The following TRIM6 variants were observed in gnomAD, a reference collection of about 807,000 sequenced individuals.
TRIM6 encodes tripartite motif containing 6, also known as tripartite motif-containing protein 6.
Under a neutral mutation model 51.2 loss-of-function variants are expected in TRIM6, and 43 were observed. That is an observed-to-expected ratio of 0.84 (90% CI 0.66 to 1.08). TRIM6 has a LOEUF of 1.08. TRIM6 is among the 50% of genes least tolerant of loss of function. The pLI is 0.00. For missense variants in TRIM6, 669 were observed against 619.0 expected (o/e 1.08, Z -0.86); for synonymous variants, 215 against 232.4 (o/e 0.93, Z 0.68).
upstream of TRIM6, chr11:5,596,294 G>C (rs1847439380): frequency 6.5e-6 from 1 of 154,564 alleles, no homozygotes; most frequent in Admixed American, 6.5e-5. Flanking sequence ...AGAAGAATGA[G>C]GGAGACTTCT....
chr11:5,605,208 C>T (rs1054113163), intron 3 of TRIM6, 129 bp from the exon 4 acceptor site: 30 of 1,235,032 alleles, frequency 2.4e-5, no homozygotes, highest in South Asian at 3.7e-5. Flanking sequence ...TCTCCTGCAG[C>T]ATTTACCCTC....
rs1848077259 is a variant in TRIM6, at chr11:5,604,413, C to T, written c.508-121C>T. 4.5e-6 allele frequency: 5 copies of T among 1,100,832 alleles called. 1 individual carries two copies. In the East Asian group the frequency reaches 1.3e-4, roughly 29 times the overall value. The allele number at this position is 1,100,832 out of a possible 1,614,324, so 68.2% of individuals were successfully genotyped here. A position where few individuals can be genotyped will look rare whatever the true frequency, so the allele number is the denominator to read the frequency against. Reference sequence around the variant, plus strand: ...AGATTTGTTGGCCCTCTCAAGTTTTCATCCTAGGTTAGGACAGGCTTCTTT... The same window carrying T: ...AGATTTGTTGGCCCTCTCAAGTTTTTATCCTAGGTTAGGACAGGCTTCTTT... On this transcript the variant is annotated intron_variant, in intron 2 of 7. Coordinates refer to ENST00000380097, the MANE Select transcript of TRIM6 (RefSeq NM_001003818.3).
rs146413218 is a variant in TRIM6, at chr11:5,602,387, G to A, written c.18-859G>A. On this transcript the variant is annotated intron_variant, in intron 1 of 7. Coordinates refer to ENST00000380097, the MANE Select transcript of TRIM6 (RefSeq NM_001003818.3). ...GAACCCAGGAGGCGGAGCTTGCAGT[G>A]AGTCGAGATCACGCCACTGCACTCC... is the stretch of plus-strand genomic sequence containing the variant. 5.8e-3 allele frequency among the ~76,000 whole-genome samples: 885 copies of A among 151,974 alleles called. 11 individuals carry two copies. Among genetic ancestry groups the A allele is most frequent in the African/African-American group, 0.02 (844 of 41,510 alleles).
At chr11:5,596,543 T>TCCCCCCTTCCCCCTTCCCCTC (rs1554908489), upstream of TRIM6, 1 of 24,650 alleles carries the variant, frequency 4.1e-5, no homozygotes, top group African/African-American at 1.7e-4. Context: ...CCTTCCCCCT[T>TCCCCCCTTCCCCCTTCCCCTC]CCCCCTTCCC....
chr11:5,604,570 GA>G lies in TRIM6; in HGVS notation c.545del (p.Glu182GlyfsTer8). 1.9e-6 allele frequency: 3 copies of G among 1,613,218 alleles called. No individual in the cohort carries two copies. Among genetic ancestry groups the G allele is most frequent in the Non-Finnish European group, 2.5e-6 (3 of 1,179,682 alleles). ...GGAGTCTCTAAAGAAGCTGAAGAAC[GA>G]GGAGCAGGAAGCTGAGAAGCTAACA... is the stretch of plus-strand genomic sequence containing the variant. Reference protein sequence around the residue: ...FQESLKKLKNEEQEAEKLTAF... With the variant: ...FQESLKKLKNXEQEAEKLTAF... On this transcript the variant is annotated frameshift_variant, in exon 3 of 8. Coordinates refer to ENST00000380097, the MANE Select transcript of TRIM6 (RefSeq NM_001003818.3). LOFTEE classifies it high-confidence loss of function.
chr11:5,603,449 C>T lies in TRIM6; in HGVS notation c.221C>T (p.Ser74Leu). ...TGCATCACACCAAATGGCAGGGAAT[C>T]AGTGATTGGTCAAGAAGGGGAAAGA... ...QACITPNGRE[S>L]VIGQEGERSC... The change falls in exon 2 of 8, where the codon TCA becomes TTA. Residue 74 changes from serine to leucine, a missense_variant. By Grantham distance (145) the Ser-to-Leu change is moderately radical. Transcript: ENST00000380097. 6.2e-7 allele frequency: 1 copy of T among 1,614,024 alleles called. No individual in the cohort carries two copies.
chr11:5,602,968 AG>A (rs1486860486), intron 1 of TRIM6, among the ~76,000 whole-genome samples: 1 of 152,192 alleles, frequency 6.6e-6, no homozygotes, highest in Non-Finnish European at 1.5e-5. Context: ...AAGAAAAAAA[AG>A]AAAAGATCAC....
rs780354154 is a variant in TRIM6, at chr11:5,603,334, G to T, written c.106G>T (p.Asp36Tyr). 1 of 1,613,980 alleles carries T rather than the reference G, an allele frequency of 6.2e-7. No individual in the cohort carries two copies. Among genetic ancestry groups the T allele is most frequent in the African/African-American group, 1.3e-5 (1 of 74,920 alleles). ...TACAATGACTTCACCAGTACTGGTG[G>T]ACATACGAGAAGAGGTGACCTGCCC... ...VATMTSPVLVDIREEVTCPIC... is the reference protein window; with the variant it reads ...VATMTSPVLVYIREEVTCPIC... The change falls in exon 2 of 8, where the codon GAC becomes TAC. Residue 36 changes from aspartate to tyrosine, a missense_variant. By Grantham distance (160) the Asp-to-Tyr change is radical. Coordinates refer to ENST00000380097, the MANE Select transcript of TRIM6 (RefSeq NM_001003818.3).
chr11:5,599,185 T>C (rs1225108120), intron 1 of TRIM6, among the ~76,000 whole-genome samples: 2 of 152,210 alleles, frequency 1.3e-5, no homozygotes, highest in Non-Finnish European at 2.9e-5. Flanking sequence ...AGTTTGTTCA[T>C]TTACCAGTTA....
intron 5 of TRIM6, among the ~76,000 whole-genome samples, chr11:5,609,897 T>A (rs1339718337): frequency 6.6e-6 from 1 of 152,166 alleles, no homozygotes; most frequent in East Asian, 1.9e-4. Context: ...CACTCCAGCC[T>A]GGGTGACAGA....
Position 5,605,341 on chromosome 11 carries a change from A to C in TRIM6, c.608A>C (p.Gln203Pro). The C allele has an allele frequency of 6.2e-7, 1 of 1,614,102 alleles. No homozygotes were observed. Among genetic ancestry groups the C allele is most frequent in the South Asian group, 1.1e-5 (1 of 91,078 alleles). Reference protein sequence around the residue: ...IREKKTSWKNQMEPERCRIQT... With the variant: ...IREKKTSWKNPMEPERCRIQT... ...TTTTCTTCCCTGTTCCTGAAGAATCAGATGGAGCCTGAGAGATGCAGGATC... is the reference window on the plus strand; with the variant it reads ...TTTTCTTCCCTGTTCCTGAAGAATCCGATGGAGCCTGAGAGATGCAGGATC... The change falls in exon 4 of 8, where the codon CAG (glutamine) becomes CCG (proline). Residue 203 changes from glutamine to proline, a missense_variant. Coordinates refer to ENST00000380097, the MANE Select transcript of TRIM6 (RefSeq NM_001003818.3).
intron 1 of TRIM6, among the ~76,000 whole-genome samples, chr11:5,597,137 T>A (rs545606094): frequency 1.3e-5 from 2 of 152,332 alleles, no homozygotes; most frequent in South Asian, 2.1e-4. Flanking sequence ...CCAGACTGCA[T>A]GTGTTCAAAT....
intron 5 of TRIM6, among the ~76,000 whole-genome samples, chr11:5,609,186 CT>C (rs1848413972): frequency 6.6e-6 from 1 of 152,152 alleles, no homozygotes; most frequent in Non-Finnish European, 1.5e-5. Flanking sequence ...TGTCAAGCTG[CT>C]TGCACACTTG....
Position 5,611,326 on chromosome 11 carries a change from G to A in TRIM6, c.1535G>A (p.Arg512His), listed in dbSNP as rs1238156687. 3.1e-6 allele frequency: 5 copies of A among 1,613,254 alleles called. No homozygotes were observed. Among genetic ancestry groups the A allele is most frequent in the African/African-American group, 1.3e-5 (1 of 74,772 alleles). ...AACTGTGTAATTCCTATGACCCTGC[G>A]TCGTCCAAGCTCTTGAATATTCTTC... ...PCNCVIPMTLRRPSS is the reference protein window; with the variant it reads ...PCNCVIPMTLHRPSS The change falls in exon 8 of 8, where the codon CGT becomes CAT. Residue 512 changes from arginine to histidine, a missense_variant. Arg to His is a conservative substitution (Grantham distance 29). Coordinates refer to ENST00000380097, the MANE Select transcript of TRIM6 (RefSeq NM_001003818.3).
Position 5,610,136 on chromosome 11 carries a change from C to G in TRIM6, c.858-9C>G. On this transcript the variant is annotated splice_polypyrimidine_tract_variant and intron_variant, in intron 5 of 7. Transcript: ENST00000380097. Reference sequence around the variant, plus strand: ...CAGTGTGGGAACTCAGAAGTCCTGTCCTTTCTAGGAGTGAGTTCTGGACCC... The same window carrying G: ...CAGTGTGGGAACTCAGAAGTCCTGTGCTTTCTAGGAGTGAGTTCTGGACCC... 1 of 1,613,742 alleles carries G rather than the reference C, an allele frequency of 6.2e-7. No individual in the cohort carries two copies. Among genetic ancestry groups the G allele is most frequent in the Non-Finnish European group, 8.5e-7 (1 of 1,179,852 alleles).
intron 7 of TRIM6, 25 bp downstream of exon 7, chr11:5,610,586 G>A (rs2133867256): frequency 6.2e-7 from 1 of 1,608,374 alleles, no homozygotes; most frequent in South Asian, 1.1e-5. Context: ...TGGCCTCTTT[G>A]GGCTGGCACA....
chr11:5,610,162 T>C lies in TRIM6; in HGVS notation c.875T>C (p.Leu292Pro). The C allele has an allele frequency of 2.5e-6, 4 of 1,614,048 alleles. No homozygotes were observed. The highest frequency in any genetic ancestry group is 1.6e-4 in the Middle Eastern group (1 of 6,062). ...CTTTCTAGGAGTGAGTTCTGGACCC[T>C]GAGGAAGCCAGAAGCTCTCCCTACA... Reference protein sequence around the residue: ...DVTERSEFWTLRKPEALPTKL... With the variant: ...DVTERSEFWTPRKPEALPTKL... Residue 292 changes from leucine to proline, a missense_variant, in exon 6 of 8, where the codon CTG becomes CCG. Physicochemically the swap from Leu to Pro is moderately conservative, Grantham distance 98. Transcript: ENST00000380097.
In TRIM6 at chr11:5,603,368, T is replaced by C; in HGVS notation, c.140T>C (p.Leu47Pro). 3 of 1,614,122 alleles carry C rather than the reference T, an allele frequency of 1.9e-6. No individual in the cohort carries two copies. Among genetic ancestry groups the C allele is most frequent in the Non-Finnish European group, 2.5e-6 (3 of 1,180,016 alleles). The change falls in exon 2 of 8, where the codon CTG (leucine) becomes CCG (proline). Residue 47 changes from leucine (L) to proline (P), a missense_variant. Physicochemically the swap from Leu to Pro is moderately conservative, Grantham distance 98. Coordinates refer to ENST00000380097, the MANE Select transcript of TRIM6 (RefSeq NM_001003818.3). ...GAAGAGGTGACCTGCCCTATCTGCCTGGAGCTCCTAACAGAACCCCTGAGC... is the reference window on the plus strand; with the variant it reads ...GAAGAGGTGACCTGCCCTATCTGCCCGGAGCTCCTAACAGAACCCCTGAGC... Reference protein sequence around the residue: ...IREEVTCPICLELLTEPLSID... With the variant: ...IREEVTCPICPELLTEPLSID...
At position 5,604,619 on chromosome 11, in the gene TRIM6, C is replaced by T. The variant is rs1423457458; in HGVS notation, c.593C>T (p.Thr198Ile). The change falls in exon 3 of 8, where the codon ACA becomes ATA. Residue 198 changes from threonine (T) to isoleucine (I), a missense_variant. Physicochemically the swap from Thr to Ile is moderately conservative, Grantham distance 89. Coordinates refer to ENST00000380097, the MANE Select transcript of TRIM6 (RefSeq NM_001003818.3). ...ACAGCTTTTATCAGAGAGAAGAAAACATCCTGGAAGGCAAGGGAGACTTTT... is the reference window on the plus strand; with the variant it reads ...ACAGCTTTTATCAGAGAGAAGAAAATATCCTGGAAGGCAAGGGAGACTTTT... ...KLTAFIREKK[T>I]SWKNQMEPER... 1 of 1,611,470 alleles carries T rather than the reference C, an allele frequency of 6.2e-7. No individual in the cohort carries two copies. The highest frequency in any genetic ancestry group is 8.5e-7 in the Non-Finnish European group (1 of 1,179,016).
Sources: gnomAD v4.1 joint callset for allele counts (sites outside exome capture counted in the v4.1 genomes callset) on GRCh38, gnomAD v4.1.1 for gene constraint, MANE v1.5 for transcripts, NCBI Gene and HGNC (gene_info 2026-07-23, HGNC 2026-07-21) for gene names.